Variants in MYO1H observed in about 807,000 individuals in gnomAD.
MYO1H encodes the protein unconventional myosin-Ih.
MYO1H carries 118 observed loss-of-function variants against 149.3 expected under a neutral mutation model. That is an observed-to-expected ratio of 0.79 (90% confidence interval 0.68 to 0.92). The LOEUF (loss-of-function observed/expected upper bound fraction) is 0.92. MYO1H is among the 40% of genes least tolerant of loss of function. MYO1H has a pLI of 0.00. For synonymous variants in MYO1H, 447 were observed against 465.2 expected (o/e 0.96, Z 0.50); for missense variants, 1,212 against 1,280.7 (o/e 0.95, Z 0.82).
intron 5 of MYO1H, among the ~76,000 whole-genome samples, chr12:109,398,309 G>C (rs1368855918): frequency 6.6e-6 from 1 of 152,220 alleles, no homozygotes; most frequent in Non-Finnish European, 1.5e-5. Flanking sequence ...CCATCGACAG[G>C]AGAACGACTA....
chr12:109,415,661 C>G, intron 15 of MYO1H, 41 bp downstream of exon 15: 2 of 1,428,514 alleles, frequency 1.4e-6, no homozygotes, highest in South Asian at 1.4e-5. Context: ...ATGTATGTGC[C>G]CAGCCTGGTG....
chr12:109,433,846 CCT>C (rs1315627383), intron 20 of MYO1H, among the ~76,000 whole-genome samples: 5 of 152,132 alleles, frequency 3.3e-5, no homozygotes, highest in African/African-American at 1.2e-4. Context: ...CCGTCTGTCC[CCT>C]GTTCCATAAA....
chr12:109,403,916 AG>A, intron 6 of MYO1H, 65 bp from the exon 7 acceptor site: 1 of 1,063,402 alleles, frequency 9.4e-7, no homozygotes, highest in Non-Finnish European at 1.4e-6. Context: ...ATCTTCAGAG[AG>A]GAATAGACAT....
intron 1 of MYO1H, among the ~76,000 whole-genome samples, chr12:109,376,948 GT>G (rs1284221128): frequency 3.3e-5 from 5 of 152,092 alleles, no homozygotes; most frequent in South Asian, 4.1e-4. Flanking sequence ...CCCTTTTATT[GT>G]TCTTTAATTT....
chr12:109,415,468 G>A lies in MYO1H; in HGVS notation c.1503-58G>A, dbSNP rs147095525. ...TCCAGCTTGGGCAACAGAGCAAGAC[G>A]CCATCTCAAAAAAGAAAAGAAAAGA... On this transcript the variant is annotated intron_variant, in intron 14 of 31. Transcript: ENST00000310903. 1.3e-3 allele frequency: 1,897 copies of A among 1,487,730 alleles called. 27 individuals are homozygous for A. In the African/African-American group the frequency reaches 0.023, roughly 18 times the overall value. 92.2% of individuals were successfully genotyped at this position (1,487,730 alleles called of 1,614,324 possible).
chr12:109,367,319 C>T (rs1368544306), intron 1 of MYO1H, among the ~76,000 whole-genome samples: 2 of 152,024 alleles, frequency 1.3e-5, no homozygotes, highest in African/African-American at 4.8e-5. Context: ...GTAGGTGGAT[C>T]ATAGAAAAAG....
At chr12:109,432,834 GA>G in intron 19 of MYO1H, 62 bp from the exon 20 acceptor site, 1 of 1,396,208 alleles carries the variant, frequency 7.2e-7, no homozygotes, top group East Asian at 2.3e-5. Context: ...TGGGGCCGGG[GA>G]TGTGGGGGAG....
At chr12:109,417,768 C>G (rs1456624890) in intron 15 of MYO1H, among the ~76,000 whole-genome samples, 1 of 152,170 alleles carries the variant, frequency 6.6e-6, no homozygotes, top group Non-Finnish European at 1.5e-5. Context: ...GGAGAAATGT[C>G]TACGCAGATC....
the MYO1H span, among the ~76,000 whole-genome samples, chr12:109,324,717 A>C: frequency 6.6e-6 from 1 of 150,702 alleles, no homozygotes; most frequent in South Asian, 2.1e-4. Context: ...TTTTTTTTAA[A>C]TTTTACTTTA....
the MYO1H span, among the ~76,000 whole-genome samples, chr12:109,330,644 T>C: frequency 6.6e-6 from 1 of 152,182 alleles, no homozygotes; most frequent in Non-Finnish European, 1.5e-5. Flanking sequence ...CAGTCCTCAT[T>C]ATCTCTAATT....
At chr12:109,397,773 C>A (rs776000983) in exon 5 of MYO1H, 1 of 1,612,204 alleles carries the variant, frequency 6.2e-7, no homozygotes, top group Non-Finnish European at 8.5e-7. Flanking sequence ...ACAACTCCAG[C>A]AGATTTGGGA....
rs1039587809 is a variant in MYO1H at position 109,378,299 on chromosome 12, T to C, written c.13-10384T>C. Among the ~76,000 whole-genome samples the C allele has an allele frequency of 3.7e-5, 5 of 133,680 alleles. No individual in the cohort carries two copies. The Admixed American group carries it at 4.3e-4, about 12-fold the overall frequency. 87.7% of individuals were successfully genotyped at this position (133,680 alleles called of 152,430 possible). A position where few individuals can be genotyped will look rare whatever the true frequency, so the allele number is the denominator to read the frequency against. On this transcript the variant is annotated intron_variant, in intron 1 of 31. Transcript: ENST00000310903. ...TCCAAAGTGGCTGCACCATTTTCTT[T>C]TTCTTTTTTTTTCTTTTTTATTTAT...
At chr12:109,438,564 G>C in exon 23 of MYO1H, 1 of 1,613,512 alleles carries the variant, frequency 6.2e-7, no homozygotes, top group Non-Finnish European at 8.5e-7. Context: ...ACTGGCGTGG[G>C]GCCCTGGCTC....
At chr12:109,345,899 C>T (rs544214422), upstream of MYO1H, among the ~76,000 whole-genome samples, 1 of 152,080 alleles carries the variant, frequency 6.6e-6, no homozygotes, top group East Asian at 1.9e-4. Context: ...CATGATAGGC[C>T]AAATGTATAG....
chr12:109,414,994 G>A (rs759061492), intron 14 of MYO1H, among the ~76,000 whole-genome samples: 1 of 152,072 alleles, frequency 6.6e-6, no homozygotes, highest in Non-Finnish European at 1.5e-5. Context: ...TTATAGGTGT[G>A]AGCCACCATG....
At chr12:109,412,473 T>A (rs1052042128) in intron 14 of MYO1H, among the ~76,000 whole-genome samples, 8 of 152,234 alleles carry the variant, frequency 5.3e-5, no homozygotes, top group South Asian at 2.1e-4. Flanking sequence ...TATGATTTTT[T>A]AAAAAGATTT....
chr12:109,330,884 T>C, the MYO1H span, among the ~76,000 whole-genome samples: 1 of 152,188 alleles, frequency 6.6e-6, no homozygotes, highest in African/African-American at 2.4e-5. Flanking sequence ...AATATTTGAA[T>C]GGGGACTGTC....
intron 2 of MYO1H, among the ~76,000 whole-genome samples, chr12:109,389,731 G>A (rs899716645): frequency 6.6e-6 from 1 of 152,104 alleles, no homozygotes; most frequent in African/African-American, 2.4e-5. Context: ...TGTGTCGTGG[G>A]TGTTATTAAA....
the MYO1H span, among the ~76,000 whole-genome samples, chr12:109,317,344 AAC>A: frequency 6.6e-6 from 1 of 152,224 alleles, no homozygotes; most frequent in Non-Finnish European, 1.5e-5. Flanking sequence ...TTTTTAGAGA[AAC>A]AGTGTCTCAT....
Sources: allele counts gnomAD v4.1 joint callset (sites outside exome capture counted in the v4.1 genomes callset), GRCh38; gene constraint gnomAD v4.1.1; transcripts MANE v1.5; gene names NCBI Gene and HGNC (gene_info 2026-07-23, HGNC 2026-07-21).